The following CMC2 variants were observed in gnomAD, a reference collection of about 807,000 sequenced individuals.
CMC2 encodes C-X9-C motif containing 2.
In CMC2, 5 loss-of-function variants were observed where a neutral mutation model predicts 7.5. The ratio of observed to expected loss-of-function variants is 0.66; its 90% CI spans 0.35 to 1.40. The LOEUF is 1.40. Among genes scored for constraint, CMC2 ranks in the 40% most tolerant of loss-of-function variants. The pLI, the probability that CMC2 is intolerant of heterozygous loss-of-function variation, is 0.04. For synonymous variants in CMC2, 37 were observed against 31.4 expected (o/e 1.18, Z -0.60); for missense variants, 115 against 92.3 (o/e 1.25, Z -1.01).
At chr16:80,986,871 G>C (rs1034739822) in intron 2 of CMC2, among the ~76,000 whole-genome samples, 1 of 152,242 alleles carries the variant, frequency 6.6e-6, no homozygotes, top group African/African-American at 2.4e-5. Flanking sequence ...GAAAATCTGA[G>C]CCAGAGATAC....
rs1403392889 is a variant in CMC2 at position 80,966,641 on chromosome 16, A to G, written c.*9452T>C. The G allele has an allele frequency of 6.6e-6, 1 of 152,194 alleles. No homozygotes were observed. Among genetic ancestry groups the G allele is most frequent in the Non-Finnish European group, 1.5e-5 (1 of 68,032 alleles). 9.4% of individuals were successfully genotyped at this position (152,194 alleles called of 1,614,324 possible). A position where few individuals can be genotyped will look rare whatever the true frequency, so the allele number is the denominator to read the frequency against. ...TTTTACTTTTTTTGCAGTTCTCCTT[A>G]TCTTCAGGATGTATCACCTTCTGGA... On this transcript the variant is annotated 3_prime_UTR_variant, in exon 4 of 4. Transcript: ENST00000219400.
At position 80,972,110 on chromosome 16, in the gene CMC2, T is replaced by C. The variant is rs1911972444; in HGVS notation, c.*3983A>G. ...CCTCTAGCCCAGGCCACCTGCTCCA[T>C]CTGATACCAGAGGCAGGAGACTGGT... On this transcript the variant is annotated 3_prime_UTR_variant, in exon 4 of 4. Coordinates refer to ENST00000219400, the MANE Select transcript of CMC2 (RefSeq NM_020188.5). 6.6e-6 allele frequency: 1 copy of C among 152,266 alleles called. No individual in the cohort carries two copies. The highest frequency in any genetic ancestry group is 2.4e-5 in the African/African-American group (1 of 41,448). The allele number at this position is 152,266 out of a possible 1,614,324, so 9.4% of individuals were successfully genotyped here.
chr16:81,001,968 G>A (rs1317873220), intron 1 of CMC2, among the ~76,000 whole-genome samples: 1 of 152,106 alleles, frequency 6.6e-6, no homozygotes, highest in East Asian at 1.9e-4. Context: ...GCCTGCCACT[G>A]ACTCCAAGAT....
Position 80,973,988 on chromosome 16 carries a change from G to A in CMC2, c.*2105C>T, listed in dbSNP as rs1021414903. 6.6e-6 allele frequency: 1 copy of A among 152,174 alleles called. No homozygotes were observed. Among genetic ancestry groups the A allele is most frequent in the African/African-American group, 2.4e-5 (1 of 41,434 alleles). The allele number at this position is 152,174 out of a possible 1,614,324, so 9.4% of individuals were successfully genotyped here. ...GCCTACAGGGCCTTAGCTGGCATCT[G>A]CATGCTGACATCTCCCAATTTTGTT... is the stretch of plus-strand genomic sequence containing the variant. On this transcript the variant is annotated 3_prime_UTR_variant, in exon 4 of 4. Coordinates refer to ENST00000219400, the MANE Select transcript of CMC2 (RefSeq NM_020188.5).
At chr16:80,996,370 C>T (rs1968415400) in intron 2 of CMC2, among the ~76,000 whole-genome samples, 1 of 152,172 alleles carries the variant, frequency 6.6e-6, no homozygotes, top group African/African-American at 2.4e-5. Flanking sequence ...TCTACTTTAA[C>T]ACAAATAATT....
chr16:80,992,151 T>C (rs1448007677), intron 2 of CMC2, among the ~76,000 whole-genome samples: 1 of 152,240 alleles, frequency 6.6e-6, no homozygotes, highest in East Asian at 1.9e-4. Context: ...ACAATTTCTC[T>C]GTAAATCTAA....
At chr16:80,979,917 C>A (rs769646759) in intron 3 of CMC2, among the ~76,000 whole-genome samples, 2 of 151,962 alleles carry the variant, frequency 1.3e-5, no homozygotes, top group South Asian at 2.1e-4. Flanking sequence ...CCACCACACC[C>A]GGCCAATATT....
intron 3 of CMC2, chr16:80,980,919 A>T: frequency 1.5e-6 from 1 of 684,396 alleles, no homozygotes; most frequent in East Asian, 2.7e-5. Context: ...ACAAACTATT[A>T]CTCTTCACTG....
At chr16:80,976,495 A>G (rs764864427) in intron 3 of CMC2, among the ~76,000 whole-genome samples, 1 of 152,228 alleles carries the variant, frequency 6.6e-6, no homozygotes, top group Non-Finnish European at 1.5e-5. Context: ...TAAGTACTGA[A>G]GATGGGCAAA....
At chr16:80,982,168 T>C (rs947025724) in intron 2 of CMC2, among the ~76,000 whole-genome samples, 3 of 151,868 alleles carry the variant, frequency 2.0e-5, no homozygotes, top group Non-Finnish European at 4.4e-5. Flanking sequence ...CCTAGAAATA[T>C]CAAAAAAATT....
intron 2 of CMC2, among the ~76,000 whole-genome samples, chr16:80,996,128 C>G (rs1159566813): frequency 6.6e-6 from 1 of 152,004 alleles, no homozygotes; most frequent in Non-Finnish European, 1.5e-5. Context: ...AAAACTCTGC[C>G]CCTTAATTTG....
intron 3 of CMC2, among the ~76,000 whole-genome samples, chr16:80,977,499 T>C (rs1405879777): frequency 6.6e-6 from 1 of 152,062 alleles, no homozygotes; most frequent in East Asian, 1.9e-4. Flanking sequence ...CAGTTAAACA[T>C]CAGAATCTTT....
At chr16:80,997,223 GT>G in intron 2 of CMC2, 90 bp downstream of exon 2, 4 of 789,980 alleles carry the variant, frequency 5.1e-6, no homozygotes, top group Non-Finnish European at 6.7e-6. Context: ...AGACATTATC[GT>G]TTCCTTCTAT....
chr16:80,989,477 C>T (rs546429104), intron 2 of CMC2, among the ~76,000 whole-genome samples: 1 of 152,240 alleles, frequency 6.6e-6, no homozygotes, highest in South Asian at 2.1e-4. Flanking sequence ...TTTTAACAGT[C>T]CCTATCATTC....
Position 80,972,452 on chromosome 16 carries a change from C to G in CMC2, c.*3641G>C, listed in dbSNP as rs756489879. The G allele has an allele frequency of 3.3e-5, 5 of 152,150 alleles. No individual in the cohort carries two copies. The highest frequency in any genetic ancestry group is 5.9e-5 in the Non-Finnish European group (4 of 68,040). 9.4% of individuals were successfully genotyped at this position (152,150 alleles called of 1,614,324 possible). ...GGCATAATTTGGTTCAGCCCAAGCC[C>G]TTTCTATAGAAAACTAATTGTGCTT... On this transcript the variant is annotated 3_prime_UTR_variant, in exon 4 of 4. Transcript: ENST00000219400.
At chr16:80,987,489 T>C (rs1162233683) in intron 2 of CMC2, among the ~76,000 whole-genome samples, 1 of 152,212 alleles carries the variant, frequency 6.6e-6, no homozygotes, top group Non-Finnish European at 1.5e-5. Flanking sequence ...CACAAGGATT[T>C]CCAAGTAGCT....
intron 2 of CMC2, among the ~76,000 whole-genome samples, chr16:80,991,447 C>G (rs531675517): frequency 1.6e-4 from 25 of 152,134 alleles, no homozygotes; most frequent in Admixed American, 1.3e-3. Context: ...CCAGCCTGAG[C>G]AACATGGCGA....
At position 80,975,992 on chromosome 16, in the gene CMC2, A is replaced by T. The variant is rs576950576; in HGVS notation, c.*101T>A. On this transcript the variant is annotated 3_prime_UTR_variant, in exon 4 of 4. Transcript: ENST00000219400. ...TTCAATCTCTCACAGGTCACTTTCC[A>T]TTCAAAGGATTATGGAGACCAAATA... The T allele has an allele frequency of 2.3e-5, 16 of 707,980 alleles. No individual in the cohort carries two copies. The South Asian group carries it at 2.5e-4, about 11-fold the overall frequency. The allele number at this position is 707,980 out of a possible 1,614,324, so 43.9% of individuals were successfully genotyped here.
Position 80,972,477 on chromosome 16 carries a change from T to C in CMC2, c.*3616A>G, listed in dbSNP as rs1383705069. On this transcript the variant is annotated 3_prime_UTR_variant, in exon 4 of 4. Coordinates refer to ENST00000219400, the MANE Select transcript of CMC2 (RefSeq NM_020188.5). ...CTTTCTATAGAAAACTAATTGTGCT[T>C]TGAGCTAAAAACTCCATGGAGATTA... 1 of 152,216 alleles carries C rather than the reference T, an allele frequency of 6.6e-6. No individual in the cohort carries two copies. Among genetic ancestry groups the C allele is most frequent in the Non-Finnish European group, 1.5e-5 (1 of 68,040 alleles). 9.4% of individuals were successfully genotyped at this position (152,216 alleles called of 1,614,324 possible).
Sources: gnomAD v4.1 joint callset for allele counts (sites outside exome capture counted in the v4.1 genomes callset) on GRCh38, gnomAD v4.1.1 for gene constraint, MANE v1.5 for transcripts, NCBI Gene and HGNC (gene_info 2026-07-23, HGNC 2026-07-21) for gene names.